The following WDR72 variants were observed in gnomAD, a reference collection of about 807,000 sequenced individuals.
WDR72 encodes the protein WD repeat-containing protein 72.
WDR72 carries 120 observed loss-of-function variants against 124.2 expected under a neutral mutation model. That is an observed-to-expected ratio of 0.97 (90% CI 0.83 to 1.12). The LOEUF is 1.12. Ranked by LOEUF, WDR72 falls within the 50% of genes most tolerant of loss-of-function variation. The probability of loss-of-function intolerance (pLI) is 0.00; values close to 1 mark genes in which losing one functional copy is unlikely to be tolerated. For missense variants in WDR72, 1,387 were observed against 1,278.8 expected (o/e 1.08, Z -1.29); for synonymous variants, 452 against 441.7 (o/e 1.02, Z -0.29).
chr15:53,662,404 A>C (rs1281263349), intron 14 of WDR72, among the ~76,000 whole-genome samples: 1 of 152,194 alleles, frequency 6.6e-6, no homozygotes. Flanking sequence ...CAACAATAAA[A>C]AAGAAATACA....
At chr15:53,562,749 A>C (rs1200198383) in intron 18 of WDR72, among the ~76,000 whole-genome samples, 1 of 151,852 alleles carries the variant, frequency 6.6e-6, no homozygotes, top group East Asian at 1.9e-4. Context: ...ACCCTTCCCA[A>C]GAGATAAATG....
chr15:53,730,193 G>T (rs2018161351), intron 2 of WDR72, among the ~76,000 whole-genome samples: 1 of 152,032 alleles, frequency 6.6e-6, no homozygotes, highest in Admixed American at 6.6e-5. Flanking sequence ...AACTTAAGAA[G>T]AAAGGAAATA....
At chr15:53,534,491 G>T (rs1257540903) in intron 18 of WDR72, among the ~76,000 whole-genome samples, 2 of 151,944 alleles carry the variant, frequency 1.3e-5, no homozygotes, top group African/African-American at 2.4e-5. Flanking sequence ...TTACCCTAGG[G>T]ATTTTATTTC....
chr15:53,733,128 C>A lies in WDR72; in HGVS notation c.22G>T (p.Val8Leu). 1 of 1,614,052 alleles carries A rather than the reference C, an allele frequency of 6.2e-7. No individual in the cohort carries two copies. The highest frequency in any genetic ancestry group is 8.5e-7 in the Non-Finnish European group (1 of 1,179,958). The change falls in exon 2 of 20, where the codon GTG (valine) becomes TTG (leucine). Residue 8 changes from valine to leucine, a missense_variant. Val to Leu is a conservative substitution (Grantham distance 32, BLOSUM62 1). Coordinates refer to ENST00000360509, the MANE Select transcript of WDR72 (RefSeq NM_182758.4). MRTSLQA[V>L]ALWGQKAPPH... Reference sequence around the variant, plus strand: ...GGGGCCTTCTGTCCCCAGAGTGCCACTGCCTGCAGGGAAGTCCTCATTTTG... The same window carrying A: ...GGGGCCTTCTGTCCCCAGAGTGCCAATGCCTGCAGGGAAGTCCTCATTTTG...
At chr15:53,589,434 C>T (rs952849546) in intron 18 of WDR72, among the ~76,000 whole-genome samples, 5 of 151,918 alleles carry the variant, frequency 3.3e-5, no homozygotes, top group Admixed American at 3.3e-4. Context: ...TCCATCCATT[C>T]ACCCATCCAC....
At chr15:53,664,489 T>C (rs1307918300) in intron 14 of WDR72, among the ~76,000 whole-genome samples, 1 of 152,136 alleles carries the variant, frequency 6.6e-6, no homozygotes, top group Non-Finnish European at 1.5e-5. Context: ...AATGGCCCAT[T>C]GGCCTTTCTT....
chr15:53,572,532 T>C (rs1335374839), intron 18 of WDR72, among the ~76,000 whole-genome samples: 3 of 152,226 alleles, frequency 2.0e-5, no homozygotes, highest in Admixed American at 1.3e-4. Context: ...GGCAAAAGTT[T>C]GTTAGAACTG....
intron 18 of WDR72, among the ~76,000 whole-genome samples, chr15:53,581,706 T>C (rs996180171): frequency 2.6e-5 from 4 of 152,030 alleles, no homozygotes; most frequent in Non-Finnish European, 5.9e-5. Context: ...TATTTTGAAA[T>C]ACATTTCTGC....
intron 14 of WDR72, among the ~76,000 whole-genome samples, chr15:53,639,528 A>C (rs1358284380): frequency 1.4e-5 from 2 of 146,466 alleles, no homozygotes; most frequent in Non-Finnish European, 3.0e-5. Flanking sequence ...TTATTTATTT[A>C]TAAAATTATA....
At chr15:53,565,834 A>G (rs931235631) in intron 18 of WDR72, among the ~76,000 whole-genome samples, 4 of 151,990 alleles carry the variant, frequency 2.6e-5, no homozygotes, top group African/African-American at 9.7e-5. Context: ...TTCTGAAAAA[A>G]TGTTCTCCAC....
At chr15:53,757,715 T>C (rs2018948305) in intron 1 of WDR72, among the ~76,000 whole-genome samples, 2 of 152,144 alleles carry the variant, frequency 1.3e-5, no homozygotes. Flanking sequence ...TTACTAACAT[T>C]ATTATTATTA....
chr15:53,712,954 G>T lies in WDR72; in HGVS notation c.592-63C>A, dbSNP rs1203472978. On this transcript the variant is annotated intron_variant, in intron 6 of 19. Transcript: ENST00000360509. ...GGTAATTCATACACAGCCATGAGAAGACCTGCTTCCCGTACATCTCAAGTA... is the reference window on the plus strand; with the variant it reads ...GGTAATTCATACACAGCCATGAGAATACCTGCTTCCCGTACATCTCAAGTA... 18 of 1,580,426 alleles carry T rather than the reference G, an allele frequency of 1.1e-5. No homozygotes were observed. In the Admixed American group the frequency reaches 2.9e-4, roughly 25 times the overall value.
chr15:53,645,326 T>G (rs2015003570), intron 14 of WDR72, among the ~76,000 whole-genome samples: 1 of 152,166 alleles, frequency 6.6e-6, no homozygotes, highest in Admixed American at 6.6e-5. Flanking sequence ...TTCAAGCTGG[T>G]TTATGCCTGT....
At chr15:53,517,828 G>C in intron 19 of WDR72, 74 bp from the exon 20 acceptor site, 1 of 1,395,304 alleles carries the variant, frequency 7.2e-7, no homozygotes, top group Non-Finnish European at 1.0e-6. Context: ...CCAAGAGGAG[G>C]GGAGGGAGAG....
intron 18 of WDR72, among the ~76,000 whole-genome samples, chr15:53,585,031 TTTACTC>T (rs1240685189): frequency 4.6e-5 from 7 of 151,980 alleles, no homozygotes; most frequent in Admixed American, 4.6e-4. Context: ...CTAAAAATCA[TTTACTC>T]TTCCTCTAAA....
At chr15:53,705,885 C>G in intron 10 of WDR72, 42 bp downstream of exon 10, 1 of 1,611,638 alleles carries the variant, frequency 6.2e-7, no homozygotes, top group Non-Finnish European at 8.5e-7. Flanking sequence ...ATTACAAATT[C>G]ATTCTCAGAA....
At chr15:53,717,252 T>C (rs902384787) in intron 3 of WDR72, among the ~76,000 whole-genome samples, 3 of 152,134 alleles carry the variant, frequency 2.0e-5, no homozygotes, top group Admixed American at 2.0e-4. Flanking sequence ...GTTTATGTAT[T>C]ACAAAGACAT....
At chr15:53,752,842 A>C (rs760143680) in intron 1 of WDR72, among the ~76,000 whole-genome samples, 3 of 152,184 alleles carry the variant, frequency 2.0e-5, no homozygotes, top group East Asian at 1.9e-4. Flanking sequence ...TTGTGTAATA[A>C]ATCTCCTTTC....
At chr15:53,720,261 CA>C (rs1429816617) in intron 3 of WDR72, among the ~76,000 whole-genome samples, 1 of 152,108 alleles carries the variant, frequency 6.6e-6, no homozygotes, top group Non-Finnish European at 1.5e-5. Flanking sequence ...TAAAGTCAAT[CA>C]ACATCTTTAC....
Sources: gnomAD v4.1 joint callset for allele counts (sites outside exome capture counted in the v4.1 genomes callset) on GRCh38, gnomAD v4.1.1 for gene constraint, MANE v1.5 for transcripts, NCBI Gene and HGNC (gene_info 2026-07-23, HGNC 2026-07-21) for gene names.